PPARG: variants seen among roughly 807,000 people sequenced by gnomAD.
The protein encoded by PPARG is peroxisome proliferator activated receptor gamma.
In PPARG, 17 loss-of-function variants were observed where a neutral mutation model predicts 39.2. The ratio of observed to expected loss-of-function variants is 0.43; its 90% CI spans 0.30 to 0.65. The LOEUF is 0.65. PPARG is among the 30% of genes least tolerant of loss of function. The pLI, the probability that PPARG is intolerant of heterozygous loss-of-function variation, is 0.13. For synonymous variants in PPARG, 223 were observed against 215.7 expected (o/e 1.03, Z -0.30); for missense variants, 406 against 585.9 (o/e 0.69, Z 3.17).
chr3:12,295,946 T>C (rs2046770543), intron 1 of PPARG, among the ~76,000 whole-genome samples: 2 of 152,200 alleles, frequency 1.3e-5, no homozygotes, highest in South Asian at 4.1e-4. Flanking sequence ...TAGTAGGCAC[T>C]TAAATGTTTT....
chr3:12,289,834 A>C (rs994417440), intron 1 of PPARG, among the ~76,000 whole-genome samples: 32 of 152,328 alleles, frequency 2.1e-4, no homozygotes, highest in Middle Eastern at 3.4e-3. Context: ...GGAGTAATAT[A>C]TCAAAACATT....
intron 2 of PPARG, among the ~76,000 whole-genome samples, chr3:12,315,826 TG>T (rs1245888123): frequency 6.6e-6 from 1 of 152,198 alleles, no homozygotes; most frequent in Non-Finnish European, 1.5e-5. Context: ...CAGTGTTTTT[TG>T]TTGGTGACAG....
intron 7 of PPARG, among the ~76,000 whole-genome samples, chr3:12,429,735 T>C (rs1310900481): frequency 1.3e-5 from 2 of 152,052 alleles, no homozygotes; most frequent in Non-Finnish European, 2.9e-5. Context: ...CACACATTCA[T>C]CAAGCAGGAG....
intron 2 of PPARG, among the ~76,000 whole-genome samples, chr3:12,335,122 A>G (rs115178048): frequency 0.01 from 1,595 of 152,332 alleles, 38 homozygotes; most frequent in African/African-American, 0.037. Context: ...TTAGGAATTC[A>G]CTATTGAGAT....
At chr3:12,410,074 A>G (rs746293535) in intron 6 of PPARG, among the ~76,000 whole-genome samples, 9 of 152,164 alleles carry the variant, frequency 5.9e-5, no homozygotes, top group Non-Finnish European at 2.9e-5. Flanking sequence ...TAGGGCTGGG[A>G]AAAGATGGGA....
chr3:12,288,282 G>A (rs924156855), upstream of PPARG, among the ~76,000 whole-genome samples: 1 of 151,944 alleles, frequency 6.6e-6, no homozygotes, highest in Non-Finnish European at 1.5e-5. Context: ...GGGTGAAGGG[G>A]TCTTGGGCTG....
At chr3:12,400,273 A>G (rs1390188945) in intron 5 of PPARG, among the ~76,000 whole-genome samples, 1 of 152,240 alleles carries the variant, frequency 6.6e-6, no homozygotes, top group Non-Finnish European at 1.5e-5. Context: ...TAATGCTTCT[A>G]CAATTAGGTA....
chr3:12,314,828 T>C (rs2047345775), intron 2 of PPARG, among the ~76,000 whole-genome samples: 1 of 152,180 alleles, frequency 6.6e-6, no homozygotes, highest in African/African-American at 2.4e-5. Flanking sequence ...GCTTTTATTA[T>C]TATTTTTAAT....
At chr3:12,302,447 A>G (rs2046952176) in intron 1 of PPARG, among the ~76,000 whole-genome samples, 1 of 152,252 alleles carries the variant, frequency 6.6e-6, no homozygotes, top group African/African-American at 2.4e-5. Context: ...ATGATTGCAC[A>G]GCTTTAAGAA....
intron 7 of PPARG, among the ~76,000 whole-genome samples, chr3:12,429,680 C>G (rs148345915): frequency 6.6e-6 from 1 of 152,144 alleles, no homozygotes; most frequent in Non-Finnish European, 1.5e-5. Context: ...GGGCCTCTCT[C>G]GGCACCTGTC....
intron 5 of PPARG, among the ~76,000 whole-genome samples, chr3:12,401,318 G>A (rs1387292733): frequency 6.6e-6 from 1 of 152,122 alleles, no homozygotes; most frequent in Non-Finnish European, 1.5e-5. Context: ...GCAGACAGAT[G>A]GACACATAGA....
At chr3:12,410,468 C>A (rs189026189) in intron 6 of PPARG, among the ~76,000 whole-genome samples, 14 of 152,276 alleles carry the variant, frequency 9.2e-5, no homozygotes, top group African/African-American at 1.4e-4. Context: ...AATAGAAAAG[C>A]GCTTGATGTA....
chr3:12,350,167 T>C (rs2048438763), intron 2 of PPARG, among the ~76,000 whole-genome samples: 1 of 152,182 alleles, frequency 6.6e-6, no homozygotes, highest in Admixed American at 6.5e-5. Context: ...TTCAACTGAA[T>C]ATAGAGAAAA....
At chr3:12,340,548 T>C (rs943000581) in intron 2 of PPARG, among the ~76,000 whole-genome samples, 1 of 152,198 alleles carries the variant, frequency 6.6e-6, no homozygotes, top group Non-Finnish European at 1.5e-5. Context: ...ATAAAAAGTT[T>C]ATTAAAATAG....
intron 2 of PPARG, among the ~76,000 whole-genome samples, chr3:12,349,534 A>G (rs1014970172): frequency 6.6e-6 from 1 of 152,212 alleles, no homozygotes; most frequent in Non-Finnish European, 1.5e-5. Flanking sequence ...GCTATGTGGC[A>G]GGCCCTGTGT....
chr3:12,428,252 A>G (rs551255422), intron 7 of PPARG, among the ~76,000 whole-genome samples: 166 of 152,346 alleles, frequency 1.1e-3, no homozygotes, highest in African/African-American at 3.9e-3. Context: ...CCCATAATCC[A>G]CAGTGCTCTG....
rs2051090728 is a variant in PPARG, at chr3:12,417,135, T to C, written c.1161T>C (p.Ala387=). 2 of 1,614,030 alleles carry C rather than the reference T, an allele frequency of 1.2e-6. No individual in the cohort carries two copies. Among genetic ancestry groups the C allele is most frequent in the Middle Eastern group, 1.6e-4 (1 of 6,062 alleles). ...ACAGCGACTTGGCAATATTTATTGC[T>C]GTCATTATTCTCAGTGGAGGTAAGA... ...LDDSDLAIFI[A]VIILSGDRPG... The change falls in exon 7 of 8, where the codon GCT becomes GCC. Residue 387 remains alanine, a synonymous_variant. Coordinates refer to ENST00000651735, the MANE Select transcript of PPARG (RefSeq NM_138711.6).
chr3:12,332,811 G>A (rs1201539528), intron 2 of PPARG, among the ~76,000 whole-genome samples: 1 of 152,114 alleles, frequency 6.6e-6, no homozygotes, highest in Non-Finnish European at 1.5e-5. Context: ...TGGGAGGATC[G>A]TTTGAGCCCA....
In PPARG at chr3:12,399,353, C is replaced by T. The variant is rs369061322; in HGVS notation, c.530-6529C>T. ...TGCTCCTTGTTTTCCTTTAGAGGAA[C>T]TACAAAAGGATAGTTATTAGATTGC... On this transcript the variant is annotated intron_variant, in intron 5 of 7. Transcript: ENST00000651735. 48 of 456,412 alleles carry T rather than the reference C, an allele frequency of 1.1e-4. No individual in the cohort carries two copies. In the Middle Eastern group the frequency reaches 1.3e-3, roughly 12 times the overall value. 28.3% of individuals were successfully genotyped at this position (456,412 alleles called of 1,614,324 possible). A position where few individuals can be genotyped will look rare whatever the true frequency, so the allele number is the denominator to read the frequency against.
Sources: allele counts gnomAD v4.1 joint callset (sites outside exome capture counted in the v4.1 genomes callset), GRCh38; gene constraint gnomAD v4.1.1; transcripts MANE v1.5; gene names NCBI Gene and HGNC (gene_info 2026-07-23, HGNC 2026-07-21).